MAP4K4: variants seen among roughly 807,000 people sequenced by gnomAD.
MAP4K4 encodes mitogen-activated protein kinase kinase kinase kinase 4, also known as HPK/GCK-like kinase HGK.
A neutral mutation model predicts 189.6 loss-of-function variants in MAP4K4; 38 were observed. That is an observed-to-expected ratio of 0.20 (90% CI 0.15 to 0.26). MAP4K4 has a LOEUF of 0.26. MAP4K4 is among the 10% of genes least tolerant of loss of function. The pLI is 1.00. For synonymous variants in MAP4K4, 610 were observed against 624.3 expected (o/e 0.98, Z 0.34); for missense variants, 1,054 against 1,726.9 (o/e 0.61, Z 6.91).
intron 5 of MAP4K4, among the ~76,000 whole-genome samples, chr2:101,827,764 T>C (rs892126363): frequency 6.6e-6 from 1 of 152,196 alleles, no homozygotes; most frequent in Non-Finnish European, 1.5e-5. Context: ...TATCTTCATA[T>C]TGAACATGGG....
chr2:101,720,831 A>G (rs2051448826), intron 2 of MAP4K4, among the ~76,000 whole-genome samples: 1 of 152,174 alleles, frequency 6.6e-6, no homozygotes, highest in African/African-American at 2.4e-5. Context: ...ATTTGGAAAA[A>G]CAAGTTGAAT....
intron 2 of MAP4K4, among the ~76,000 whole-genome samples, chr2:101,705,314 A>G (rs1331824087): frequency 6.7e-6 from 1 of 149,600 alleles, no homozygotes; most frequent in African/African-American, 2.6e-5. Context: ...CAAGAAAAAC[A>G]GGGGGATGGA....
At chr2:101,715,729 G>A (rs954165639) in intron 2 of MAP4K4, among the ~76,000 whole-genome samples, 3 of 152,090 alleles carry the variant, frequency 2.0e-5, no homozygotes, top group Non-Finnish European at 4.4e-5. Context: ...AATACATAGG[G>A]TCTTCTAATC....
At chr2:101,799,481 G>C (rs995958776) in intron 3 of MAP4K4, among the ~76,000 whole-genome samples, 2 of 151,900 alleles carry the variant, frequency 1.3e-5, no homozygotes, top group Non-Finnish European at 2.9e-5. Flanking sequence ...TTCCTTGCAG[G>C]CTCCTTCTTC....
chr2:101,765,930 T>C (rs1333908015), intron 2 of MAP4K4, among the ~76,000 whole-genome samples: 1 of 152,190 alleles, frequency 6.6e-6, no homozygotes. Context: ...AGTGAACTTT[T>C]GCCTCTTTTC....
intron 4 of MAP4K4, 138 bp from the exon 5 acceptor site, chr2:101,825,181 G>A (rs1169811014): frequency 8.7e-6 from 5 of 573,684 alleles, no homozygotes; most frequent in East Asian, 3.0e-5. Context: ...CAGTTATTTA[G>A]GTGCCTCCAA....
At chr2:101,810,805 C>T (rs2095372322) in intron 3 of MAP4K4, among the ~76,000 whole-genome samples, 1 of 152,110 alleles carries the variant, frequency 6.6e-6, no homozygotes, top group Non-Finnish European at 1.5e-5. Flanking sequence ...GTTAGAAAAA[C>T]TGATAAACCC....
chr2:101,789,808 G>C (rs1172383824), intron 2 of MAP4K4, among the ~76,000 whole-genome samples: 1 of 152,100 alleles, frequency 6.6e-6, no homozygotes, highest in Non-Finnish European at 1.5e-5. Flanking sequence ...GCAAAGAGTG[G>C]GTAGAGAGTA....
chr2:101,821,507 C>A (rs2096055735), intron 3 of MAP4K4, among the ~76,000 whole-genome samples: 1 of 152,012 alleles, frequency 6.6e-6, no homozygotes, highest in South Asian at 2.1e-4. Flanking sequence ...AGTTGTGTAT[C>A]TAAACATAGA....
chr2:101,721,229 C>T (rs1486881870), intron 2 of MAP4K4, among the ~76,000 whole-genome samples: 1 of 151,904 alleles, frequency 6.6e-6, no homozygotes, highest in Admixed American at 6.6e-5. Flanking sequence ...AGAGATAATC[C>T]CTTAAGGCAG....
chr2:101,783,339 C>T (rs2088789914), intron 2 of MAP4K4, among the ~76,000 whole-genome samples: 1 of 151,816 alleles, frequency 6.6e-6, no homozygotes, highest in Non-Finnish European at 1.5e-5. Flanking sequence ...CTAACCTTCA[C>T]ACACCAAACC....
At chr2:101,754,024 C>T (rs1180641610) in intron 2 of MAP4K4, among the ~76,000 whole-genome samples, 2 of 151,960 alleles carry the variant, frequency 1.3e-5, no homozygotes, top group South Asian at 2.1e-4. Context: ...ATTGACAAGC[C>T]GAATATGGCA....
intron 9 of MAP4K4, among the ~76,000 whole-genome samples, chr2:101,836,305 C>G (rs920314237): frequency 6.6e-6 from 1 of 152,074 alleles, no homozygotes; most frequent in Non-Finnish European, 1.5e-5. Flanking sequence ...AGAAAGCGAC[C>G]GGGCGCGGTG....
chr2:101,808,630 A>T (rs1014701802), intron 3 of MAP4K4, among the ~76,000 whole-genome samples: 2 of 151,666 alleles, frequency 1.3e-5, no homozygotes, highest in Non-Finnish European at 2.9e-5. Context: ...GGAACAAAAA[A>T]TTTAAGTGAC....
intron 3 of MAP4K4, among the ~76,000 whole-genome samples, chr2:101,803,867 A>G (rs969739928): frequency 6.6e-6 from 1 of 152,180 alleles, no homozygotes; most frequent in African/African-American, 2.4e-5. Flanking sequence ...TTTATCTCCT[A>G]GTTATTCTGA....
intron 2 of MAP4K4, among the ~76,000 whole-genome samples, chr2:101,746,078 A>ACTCCAGGGCTCAAGTGAT (rs542261903): frequency 8.9e-4 from 135 of 151,708 alleles, no homozygotes; most frequent in African/African-American, 3.1e-3. Flanking sequence ...GCAGCCTTGA[A>ACTCCAGGGCTCAAGTGAT]CTCCAGGGCT....
intron 2 of MAP4K4, among the ~76,000 whole-genome samples, chr2:101,708,964 T>C (rs1437493038): frequency 6.6e-6 from 1 of 152,212 alleles, no homozygotes; most frequent in East Asian, 1.9e-4. Flanking sequence ...TGTACCACAT[T>C]TGTTACCTGT....
intron 30 of MAP4K4, 121 bp from the exon 31 acceptor site, chr2:101,887,657 T>C: frequency 1.5e-6 from 1 of 683,750 alleles, no homozygotes; most frequent in South Asian, 2.4e-5. Flanking sequence ...GTTAATCTAA[T>C]TGCTGTATTT....
At chr2:101,865,318 G>A (rs1485606085) in intron 18 of MAP4K4, among the ~76,000 whole-genome samples, 1 of 152,204 alleles carries the variant, frequency 6.6e-6, no homozygotes, top group African/African-American at 2.4e-5. Context: ...AGGGGGAGAA[G>A]TTCTAAGAGA....
Sources: allele counts gnomAD v4.1 joint callset (sites outside exome capture counted in the v4.1 genomes callset), GRCh38; gene constraint gnomAD v4.1.1; transcripts MANE v1.5; gene names NCBI Gene and HGNC (gene_info 2026-07-23, HGNC 2026-07-21).